The following RABGAP1L variants were observed in gnomAD, a reference collection of about 807,000 sequenced individuals.
RABGAP1L encodes the protein RAB GTPase activating protein 1 like.
RABGAP1L carries 63 observed loss-of-function variants against 137.7 expected under a neutral mutation model. The ratio of observed to expected loss-of-function variants is 0.46; its 90% CI spans 0.37 to 0.56. RABGAP1L has a LOEUF of 0.56. Among genes scored for constraint, RABGAP1L ranks in the 20% least tolerant of loss-of-function variants. The probability of loss-of-function intolerance (pLI) is 0.00; values close to 1 mark genes in which losing one functional copy is unlikely to be tolerated. For missense variants in RABGAP1L, 1,095 were observed against 1,244.0 expected (o/e 0.88, Z 1.80); for synonymous variants, 431 against 433.7 (o/e 0.99, Z 0.08).
intron 18 of RABGAP1L, among the ~76,000 whole-genome samples, chr1:174,754,037 A>C (rs1361414414): frequency 6.6e-6 from 1 of 152,192 alleles, no homozygotes; most frequent in Non-Finnish European, 1.5e-5. Flanking sequence ...CTTGATTGAC[A>C]TGTTGACTTG....
At chr1:174,219,033 A>C (rs1669552918) in intron 1 of RABGAP1L, 92 bp from the exon 2 acceptor site, 2 of 1,018,320 alleles carry the variant, frequency 2.0e-6, no homozygotes, top group East Asian at 5.5e-5. Flanking sequence ...TCTTCACATA[A>C]ACCATTTTTA....
intron 13 of RABGAP1L, among the ~76,000 whole-genome samples, chr1:174,547,654 GGC>G (rs1235503872): frequency 6.6e-6 from 1 of 151,886 alleles, no homozygotes; most frequent in African/African-American, 2.4e-5. Context: ...TATACCATAG[GGC>G]TTAACTTTCT....
At chr1:174,823,106 G>A (rs1000553488) in intron 19 of RABGAP1L, among the ~76,000 whole-genome samples, 1 of 152,116 alleles carries the variant, frequency 6.6e-6, no homozygotes, top group African/African-American at 2.4e-5. Flanking sequence ...AAGAACATCA[G>A]AATTGCTATC....
chr1:174,265,543 T>TG (rs1260623843), intron 7 of RABGAP1L, among the ~76,000 whole-genome samples: 95 of 121,220 alleles, frequency 7.8e-4, no homozygotes, highest in African/African-American at 2.8e-3. Flanking sequence ...GAGCCTGTCT[T>TG]GAAAAAAAAA....
chr1:174,376,493 A>G (rs1183037622), intron 12 of RABGAP1L, among the ~76,000 whole-genome samples: 1 of 152,212 alleles, frequency 6.6e-6, no homozygotes, highest in Non-Finnish European at 1.5e-5. Flanking sequence ...ATAATGTTGC[A>G]TGACTACGTG....
intron 18 of RABGAP1L, among the ~76,000 whole-genome samples, chr1:174,796,760 G>A (rs1027052400): frequency 3.9e-5 from 6 of 152,110 alleles, no homozygotes; most frequent in Non-Finnish European, 8.8e-5. Flanking sequence ...TGTAATCCCA[G>A]CACTTTGGGA....
chr1:174,830,437 C>T, intron 19 of RABGAP1L, among the ~76,000 whole-genome samples: 1 of 146,400 alleles, frequency 6.8e-6, no homozygotes, highest in Non-Finnish European at 1.5e-5. Context: ...TAATAATTTC[C>T]TTTTATATAA....
chr1:174,625,521 C>T (rs1672882917), intron 13 of RABGAP1L, among the ~76,000 whole-genome samples: 1 of 152,092 alleles, frequency 6.6e-6, no homozygotes, highest in African/African-American at 2.4e-5. Flanking sequence ...GGAGCCTCGC[C>T]TCCTGGGCTC....
chr1:174,370,463 C>CTTTT lies in RABGAP1L; in HGVS notation c.1466-495_1466-492dup, dbSNP rs1183875194. Among the ~76,000 whole-genome samples, 296 of 37,866 alleles carry CTTTT rather than the reference C, an allele frequency of 7.8e-3. 15 individuals carry two copies. The highest frequency in any genetic ancestry group is 0.032 in the African/African-American group (277 of 8,732). The allele number at this position is 37,866 out of a possible 152,430, so 24.8% of individuals were successfully genotyped here. The stretch of plus-strand genomic sequence containing the variant: ...TCAATTTTCCTTTAGTTAAAAATAC[C>CTTTT]TTTTTTTTTTTTTTTTTTTTTTTTA... On this transcript the variant is annotated intron_variant, in intron 11 of 25. Coordinates refer to ENST00000681986, the MANE Select transcript of RABGAP1L (RefSeq NM_001366446.1).
chr1:174,987,767 T>C (rs1020146274), intron 24 of RABGAP1L, among the ~76,000 whole-genome samples: 5 of 152,232 alleles, frequency 3.3e-5, no homozygotes, highest in Non-Finnish European at 7.3e-5. Flanking sequence ...TGTTTAGTGC[T>C]GTGTGCCCGA....
At chr1:174,526,939 A>G (rs1257468857) in intron 13 of RABGAP1L, among the ~76,000 whole-genome samples, 1 of 151,896 alleles carries the variant, frequency 6.6e-6, no homozygotes, top group African/African-American at 2.4e-5. Flanking sequence ...GAATCTTTTT[A>G]CTTTTTAAAT....
intron 10 of RABGAP1L, among the ~76,000 whole-genome samples, chr1:174,290,088 G>A (rs928142549): frequency 3.9e-5 from 6 of 152,152 alleles, no homozygotes; most frequent in South Asian, 2.1e-4. Flanking sequence ...TTGCAGCTGG[G>A]CTGGATTGCT....
chr1:174,520,118 G>T (rs1458725736), intron 13 of RABGAP1L, among the ~76,000 whole-genome samples: 1 of 152,174 alleles, frequency 6.6e-6, no homozygotes, highest in Non-Finnish European at 1.5e-5. Flanking sequence ...TAGCCAATCT[G>T]CCTGAGGTGA....
At chr1:174,543,531 T>C (rs138127747) in intron 13 of RABGAP1L, among the ~76,000 whole-genome samples, 1 of 152,268 alleles carries the variant, frequency 6.6e-6, no homozygotes, top group East Asian at 1.9e-4. Context: ...ACACTGATGG[T>C]TCTTGACTCT....
chr1:174,879,246 G>A (rs996903885), intron 19 of RABGAP1L, among the ~76,000 whole-genome samples: 1 of 152,072 alleles, frequency 6.6e-6, no homozygotes, highest in Non-Finnish European at 1.5e-5. Context: ...GACTACAGGT[G>A]CACACCACCA....
chr1:174,550,989 TATATATACAC>T lies in RABGAP1L; in HGVS notation c.1711-86378_1711-86369del, dbSNP rs1426899003. ...ATATATACATGTATATATACATATA[TATATATACAC>T]ATATATATATATATATATATATACA... On this transcript the variant is annotated intron_variant, in intron 13 of 25. Transcript: ENST00000681986. Among the ~76,000 whole-genome samples, 342 of 99,100 alleles carry T rather than the reference TATATATACAC, an allele frequency of 3.5e-3. 29 individuals are homozygous for T. The highest frequency in any genetic ancestry group is 0.022 in the African/African-American group (319 of 14,640). 65.0% of individuals were successfully genotyped at this position (99,100 alleles called of 152,430 possible). A position where few individuals can be genotyped will look rare whatever the true frequency, so the allele number is the denominator to read the frequency against.
intron 13 of RABGAP1L, among the ~76,000 whole-genome samples, chr1:174,513,693 TATACCATATTACTGACATG>T (rs1258634841): frequency 8.5e-5 from 13 of 152,324 alleles, no homozygotes; most frequent in African/African-American, 2.9e-4. Context: ...TATTATAAGC[TATACCATATTACTGACATG>T]TTTTGATTAA....
At chr1:174,313,696 A>G (rs1333163998) in intron 11 of RABGAP1L, among the ~76,000 whole-genome samples, 2 of 152,122 alleles carry the variant, frequency 1.3e-5, no homozygotes, top group Non-Finnish European at 2.9e-5. Flanking sequence ...TTCTATCTCA[A>G]GCTTTTTTGA....
At chr1:174,254,211 T>A (rs1023215073) in intron 7 of RABGAP1L, among the ~76,000 whole-genome samples, 1 of 152,186 alleles carries the variant, frequency 6.6e-6, no homozygotes, top group Admixed American at 6.5e-5. Flanking sequence ...CATGCATGTG[T>A]TTTTAATTGC....
Sources: allele counts gnomAD v4.1 joint callset (sites outside exome capture counted in the v4.1 genomes callset), GRCh38; gene constraint gnomAD v4.1.1; transcripts MANE v1.5; gene names NCBI Gene and HGNC (gene_info 2026-07-23, HGNC 2026-07-21).